LARS2: variants seen among roughly 807,000 people sequenced by gnomAD.
LARS2 encodes leucine--tRNA ligase, mitochondrial.
Under a neutral mutation model 116.6 loss-of-function variants are expected in LARS2, and 81 were observed. The observed-to-expected ratio is 0.69, with a 90% CI of 0.58 to 0.84. LARS2 has a LOEUF of 0.84. Ranked by LOEUF, LARS2 falls within the 40% of genes least tolerant of loss-of-function variation. The pLI is 0.00. For synonymous variants in LARS2, 396 were observed against 407.2 expected (o/e 0.97, Z 0.33); for missense variants, 968 against 1,114.5 (o/e 0.87, Z 1.87).
chr3:45,494,438 C>G (rs1042624637), intron 13 of LARS2, among the ~76,000 whole-genome samples: 4 of 152,200 alleles, frequency 2.6e-5, no homozygotes, highest in African/African-American at 9.7e-5. Flanking sequence ...ATTCCTCATC[C>G]CTTCTCCCCA....
At chr3:45,519,464 T>G (rs1368495395) in intron 18 of LARS2, among the ~76,000 whole-genome samples, 1 of 147,290 alleles carries the variant, frequency 6.8e-6, no homozygotes, top group Non-Finnish European at 1.5e-5. Flanking sequence ...GCACTCCAAC[T>G]TGGGTGACAA....
intron 4 of LARS2, among the ~76,000 whole-genome samples, chr3:45,411,316 G>A (rs182873894): frequency 2.6e-5 from 4 of 152,312 alleles, no homozygotes; most frequent in Admixed American, 2.6e-4. Flanking sequence ...CCTGGTTCCC[G>A]ACACCCCTAG....
intron 21 of LARS2, among the ~76,000 whole-genome samples, chr3:45,545,997 C>T (rs1700870609): frequency 6.6e-6 from 1 of 151,946 alleles, no homozygotes; most frequent in Admixed American, 6.6e-5. Flanking sequence ...GATCCCACAG[C>T]TTGTAAGACC....
chr3:45,481,771 G>A (rs539812386), intron 10 of LARS2, among the ~76,000 whole-genome samples: 16 of 151,868 alleles, frequency 1.1e-4, no homozygotes, highest in East Asian at 7.7e-4. Flanking sequence ...TATCAGATAC[G>A]TAATCTACTA....
At chr3:45,487,771 G>A (rs1699840590) in intron 11 of LARS2, among the ~76,000 whole-genome samples, 1 of 52,656 alleles carries the variant, frequency 1.9e-5, no homozygotes. Flanking sequence ...AAGAGCTGGG[G>A]GGAAAAGAAA....
At chr3:45,447,777 A>G (rs1392756739) in intron 7 of LARS2, among the ~76,000 whole-genome samples, 5 of 152,230 alleles carry the variant, frequency 3.3e-5, no homozygotes, top group Non-Finnish European at 5.9e-5. Flanking sequence ...CAGCTATCAC[A>G]GTGGTCTCCC....
intron 4 of LARS2, among the ~76,000 whole-genome samples, chr3:45,400,806 G>A (rs972628705): frequency 2.0e-5 from 3 of 152,078 alleles, no homozygotes; most frequent in Admixed American, 2.0e-4. Context: ...TATTCTTTGA[G>A]CATGTATTTC....
intron 8 of LARS2, among the ~76,000 whole-genome samples, chr3:45,471,584 A>G (rs1279241848): frequency 6.6e-6 from 1 of 152,216 alleles, no homozygotes; most frequent in Non-Finnish European, 1.5e-5. Context: ...TGGTAAAGGA[A>G]TGGACGTAAA....
chr3:45,428,249 T>TG (rs914930287), intron 6 of LARS2, among the ~76,000 whole-genome samples: 11 of 140,664 alleles, frequency 7.8e-5, no homozygotes, highest in Non-Finnish European at 1.6e-4. Flanking sequence ...GTTTTTTTTT[T>TG]TTTTTTTTTT....
chr3:45,493,393 C>T (rs1268614757), intron 13 of LARS2, among the ~76,000 whole-genome samples: 3 of 152,172 alleles, frequency 2.0e-5, no homozygotes, highest in East Asian at 1.9e-4. Flanking sequence ...GCCACCACGC[C>T]CAGCCCCTGG....
intron 20 of LARS2, among the ~76,000 whole-genome samples, chr3:45,537,169 G>A (rs1700719532): frequency 6.6e-6 from 1 of 151,968 alleles, no homozygotes; most frequent in African/African-American, 2.4e-5. Flanking sequence ...AGTTCTGTGT[G>A]ACTTTTCCTT....
chr3:45,518,682 GAA>G (rs1239439858), intron 18 of LARS2, among the ~76,000 whole-genome samples: 1 of 152,062 alleles, frequency 6.6e-6, no homozygotes, highest in East Asian at 1.9e-4. Flanking sequence ...CTGCAAATCT[GAA>G]GTCATTGTAA....
intron 8 of LARS2, among the ~76,000 whole-genome samples, chr3:45,469,325 ACAT>A (rs1442555562): frequency 6.6e-6 from 1 of 152,076 alleles, no homozygotes; most frequent in Admixed American, 6.6e-5. Flanking sequence ...AACAAGGTAA[ACAT>A]CATGCCAAAT....
At chr3:45,538,306 C>T (rs1356020453) in intron 20 of LARS2, 2 of 152,136 alleles carry the variant, frequency 1.3e-5, no homozygotes, top group Non-Finnish European at 2.9e-5. Context: ...CAGCTTCTGC[C>T]CAGAACATTT....
At chr3:45,505,424 G>T (rs1219539833) in intron 15 of LARS2, among the ~76,000 whole-genome samples, 1 of 151,518 alleles carries the variant, frequency 6.6e-6, no homozygotes, top group East Asian at 1.9e-4. Context: ...GGTGGTTCAT[G>T]CTTATAATCC....
At chr3:45,464,421 T>C (rs1376882980) in intron 8 of LARS2, among the ~76,000 whole-genome samples, 1 of 152,182 alleles carries the variant, frequency 6.6e-6, no homozygotes, top group Non-Finnish European at 1.5e-5. Flanking sequence ...TTGGCTGCCC[T>C]CTAGAAATTG....
In LARS2 at chr3:45,547,610, G is replaced by T; in HGVS notation, c.*80G>T. 7.6e-7 allele frequency: 1 copy of T among 1,312,042 alleles called. No individual in the cohort carries two copies. The highest frequency in any genetic ancestry group is 2.3e-5 in the East Asian group (1 of 42,910). 81.3% of individuals were successfully genotyped at this position (1,312,042 alleles called of 1,614,324 possible). On this transcript the variant is annotated 3_prime_UTR_variant, in exon 22 of 22. Transcript: ENST00000645846. ...TGGGATGAGGGGGCGATGTCTGCTG[G>T]CCCAGGGGAAGGGAAAAGACAAATG...
chr3:45,498,937 A>G (rs1700068517), intron 14 of LARS2, among the ~76,000 whole-genome samples: 1 of 152,242 alleles, frequency 6.6e-6, no homozygotes, highest in Admixed American at 6.5e-5. Flanking sequence ...AGCAATATAC[A>G]GTCTCTAGCT....
chr3:45,534,277 A>G (rs958379078), intron 20 of LARS2, among the ~76,000 whole-genome samples: 4 of 152,098 alleles, frequency 2.6e-5, no homozygotes, highest in African/African-American at 9.7e-5. Context: ...ACTCATGGGT[A>G]TTAGGTGCCC....
Sources: gnomAD v4.1 joint callset for allele counts (sites outside exome capture counted in the v4.1 genomes callset) on GRCh38, gnomAD v4.1.1 for gene constraint, MANE v1.5 for transcripts, NCBI Gene and HGNC (gene_info 2026-07-23, HGNC 2026-07-21) for gene names.